The following KICS2 variants were observed in gnomAD, a reference collection of about 807,000 sequenced individuals.
The protein encoded by KICS2 is KICSTOR subunit 2.
Under a neutral mutation model 31.4 loss-of-function variants are expected in KICS2, and 13 were observed. The observed-to-expected ratio is 0.41, with a 90% CI of 0.27 to 0.66. The LOEUF (loss-of-function observed/expected upper bound fraction) is 0.66, where lower values mean the gene tolerates loss of function less well. KICS2 is among the 30% of genes least tolerant of loss of function. The probability of loss-of-function intolerance (pLI) is 0.28; values close to 1 mark genes in which losing one functional copy is unlikely to be tolerated. For missense variants in KICS2, 455 were observed against 545.4 expected, an observed-to-expected ratio of 0.83 and a Z score of 1.65; for synonymous variants, 209 against 214.8, an observed-to-expected ratio of 0.97 and a Z score of 0.24.
chr12:64,206,410 A>C (rs1402863044), intron 2 of KICS2, among the ~76,000 whole-genome samples: 1 of 152,204 alleles, frequency 6.6e-6, no homozygotes, highest in Non-Finnish European at 1.5e-5. Flanking sequence ...ACACCAATAC[A>C]TTGAAGATAT....
intron 2 of KICS2, 72 bp from the exon 3 acceptor site, chr12:64,194,730 C>T (rs1229912323): frequency 6.7e-7 from 1 of 1,484,900 alleles, no homozygotes; most frequent in Non-Finnish European, 8.9e-7. Flanking sequence ...TTTCTAACCA[C>T]AAAGCAACAA....
rs1244466331 is a variant in KICS2, at chr12:64,193,371, C to T, written c.*471G>A. The T allele has an allele frequency of 5.1e-6, 5 of 985,712 alleles. No individual in the cohort carries two copies. Among genetic ancestry groups the T allele is most frequent in the Non-Finnish European group, 6.0e-6 (5 of 830,240 alleles). 61.1% of individuals were successfully genotyped at this position (985,712 alleles called of 1,614,324 possible). On this transcript the variant is annotated 3_prime_UTR_variant, in exon 3 of 3. Coordinates refer to ENST00000398055, the MANE Select transcript of KICS2 (RefSeq NM_152440.5). ...GATCAGAATCATAAATCTACTAACT[C>T]CATATTCATTTGCTAATTTATGAGA...
At chr12:64,187,755 A>C (rs1490211819), downstream of KICS2, 2 of 913,340 alleles carry the variant, frequency 2.2e-6, no homozygotes, top group Admixed American at 3.0e-5. Flanking sequence ...AGGAGAAAAA[A>C]AATCTAGTTT....
intron 2 of KICS2, among the ~76,000 whole-genome samples, chr12:64,208,200 A>G (rs980682020): frequency 2.6e-5 from 4 of 152,044 alleles, no homozygotes; most frequent in Non-Finnish European, 5.9e-5. Context: ...GTAGAGATGG[A>G]GTTTCGCCAT....
Position 64,193,320 on chromosome 12 carries a change from T to A in KICS2, c.*522A>T, listed in dbSNP as rs1433076153. Reference sequence around the variant, plus strand: ...AGAAATTTCTTACCAAGACCCTAATTTTGGCATCAAAAATGTTAATTTGTA... The same window carrying A: ...AGAAATTTCTTACCAAGACCCTAATATTGGCATCAAAAATGTTAATTTGTA... On this transcript the variant is annotated 3_prime_UTR_variant, in exon 3 of 3. Coordinates refer to ENST00000398055, the MANE Select transcript of KICS2 (RefSeq NM_152440.5). 1 of 985,646 alleles carries A rather than the reference T, an allele frequency of 1.0e-6. No individual in the cohort carries two copies. The highest frequency in any genetic ancestry group is 1.7e-5 in the African/African-American group (1 of 57,218). The allele number at this position is 985,646 out of a possible 1,614,324, so 61.1% of individuals were successfully genotyped here.
At position 64,214,817 on chromosome 12, in the gene KICS2, G is replaced by C. The variant is rs117323730; in HGVS notation, c.521+861C>G. 7.9e-5 allele frequency among the ~76,000 whole-genome samples: 12 copies of C among 152,190 alleles called. No individual in the cohort carries two copies. In the East Asian group the frequency reaches 2.3e-3, roughly 29 times the overall value. On this transcript the variant is annotated intron_variant, in intron 2 of 2. Coordinates refer to ENST00000398055, the MANE Select transcript of KICS2 (RefSeq NM_152440.5). ...AATCACTTGAACCCAGGAGATTACAGGCACTTAGTGGATGCCCTCCTCCAC... is the reference window on the plus strand; with the variant it reads ...AATCACTTGAACCCAGGAGATTACACGCACTTAGTGGATGCCCTCCTCCAC...
chr12:64,216,924 CA>C (rs967008667), intron 1 of KICS2, among the ~76,000 whole-genome samples: 1 of 137,820 alleles, frequency 7.3e-6, no homozygotes, highest in Non-Finnish European at 1.5e-5. Flanking sequence ...AGGTTTAAAA[CA>C]GTGATTTCTA....
chr12:64,193,876 A>G lies in KICS2; in HGVS notation c.1304T>C (p.Val435Ala). The change falls in exon 3 of 3, where the codon GTG becomes GCG. Residue 435 changes from valine to alanine, a missense_variant. Coordinates refer to ENST00000398055, the MANE Select transcript of KICS2 (RefSeq NM_152440.5). Reference protein sequence around the residue: ...EVSLALKNPKVFASLKPGAKG With the variant: ...EVSLALKNPKAFASLKPGAKG The stretch of plus-strand genomic sequence containing the variant: ...GGCTCCAGGTTTCAGACTTGCAAAC[A>G]CTTTGGGGTTCTTAAGGGCAAGTGA... 6.2e-7 allele frequency: 1 copy of G among 1,614,134 alleles called. No individual in the cohort carries two copies. The highest frequency in any genetic ancestry group is 1.1e-5 in the South Asian group (1 of 91,066).
At chr12:64,187,314 C>G (rs1446990812), downstream of KICS2, 1 of 351,366 alleles carries the variant, frequency 2.8e-6, no homozygotes, top group Non-Finnish European at 5.1e-6. Flanking sequence ...CTGAGTGCTA[C>G]CATCACTTAG....
At position 64,193,176 on chromosome 12, in the gene KICS2, G is replaced by C. The variant is rs1029795763; in HGVS notation, c.*666C>G. On this transcript the variant is annotated 3_prime_UTR_variant, in exon 3 of 3. Coordinates refer to ENST00000398055, the MANE Select transcript of KICS2 (RefSeq NM_152440.5). ...AAAGAAGTCAAAACAAATGCAGTTAGGTGTGTACATTACCCCAAAAGAACC... is the reference window on the plus strand; with the variant it reads ...AAAGAAGTCAAAACAAATGCAGTTACGTGTGTACATTACCCCAAAAGAACC... 2 of 985,312 alleles carry C rather than the reference G, an allele frequency of 2.0e-6. No individual in the cohort carries two copies. Among genetic ancestry groups the C allele is most frequent in the Non-Finnish European group, 2.4e-6 (2 of 829,980 alleles). The allele number at this position is 985,312 out of a possible 1,614,324, so 61.0% of individuals were successfully genotyped here.
chr12:64,195,005 A>G lies in KICS2; in HGVS notation c.522-347T>C, dbSNP rs7962324. On this transcript the variant is annotated intron_variant, in intron 2 of 2. Transcript: ENST00000398055. ...GTCACCCAGGCTGGAGTGCAATTGT[A>G]CAATCATGGCTCACTGCAGCTCAGT... Among the ~76,000 whole-genome samples the G allele has an allele frequency of 8.0e-3, 1,207 of 151,088 alleles. 18 individuals are homozygous for G. Among genetic ancestry groups the G allele is most frequent in the African/African-American group, 0.027 (1,096 of 41,076 alleles).
At chr12:64,221,721 G>A in intron 1 of KICS2, 1 of 521,020 alleles carries the variant, frequency 1.9e-6, no homozygotes, top group Non-Finnish European at 3.4e-6. Flanking sequence ...CTCATTTATG[G>A]CATCAATCCA....
chr12:64,210,200 T>C (rs2037571098), intron 2 of KICS2, among the ~76,000 whole-genome samples: 1 of 152,220 alleles, frequency 6.6e-6, no homozygotes, highest in Non-Finnish European at 1.5e-5. Flanking sequence ...ATTTAGATCA[T>C]TTTCAGGCTA....
Position 64,194,113 on chromosome 12 carries a change from C to T in KICS2, c.1067G>A (p.Arg356Lys). The change falls in exon 3 of 3, where the codon AGG becomes AAG. Residue 356 changes from arginine (R) to lysine (K), a missense_variant. Transcript: ENST00000398055. ...GACATTGGGCCAGTGCATGACTGGC[C>T]TGTCGCTGGGCAGAGACACTACAGC... ...YPAVVSLPSD[R>K]PVMHWPNVIM... 1 of 1,614,172 alleles carries T rather than the reference C, an allele frequency of 6.2e-7. No homozygotes were observed. The highest frequency in any genetic ancestry group is 1.3e-5 in the African/African-American group (1 of 75,046).
chr12:64,194,666 G>T lies in KICS2; in HGVS notation c.522-8C>A. 1.9e-6 allele frequency: 3 copies of T among 1,597,566 alleles called. No individual in the cohort carries two copies. Among genetic ancestry groups the T allele is most frequent in the Non-Finnish European group, 2.6e-6 (3 of 1,170,008 alleles). ...AGGATTGGGTGGTGAAATCTAAAGG[G>T]GAGAGGGAAATAGAGATAAGTGGAA... is the stretch of plus-strand genomic sequence containing the variant. On this transcript the variant is annotated splice_polypyrimidine_tract_variant and splice_region_variant and intron_variant, in intron 2 of 2. Transcript: ENST00000398055.
chr12:64,205,775 G>GGGAA (rs141568124), intron 2 of KICS2, among the ~76,000 whole-genome samples: 31 of 39,588 alleles, frequency 7.8e-4, no homozygotes, highest in South Asian at 7.2e-3. Flanking sequence ...GAAGGAAAAA[G>GGGAA]GGAAGGAAGG....
chr12:64,217,477 A>G (rs902667125), intron 1 of KICS2, among the ~76,000 whole-genome samples: 31 of 152,108 alleles, frequency 2.0e-4, no homozygotes, highest in Middle Eastern at 3.4e-3. Context: ...AGGAAAAAAA[A>G]AAAAACGCAC....
At chr12:64,213,474 T>C (rs899282255) in intron 2 of KICS2, among the ~76,000 whole-genome samples, 1 of 152,164 alleles carries the variant, frequency 6.6e-6, no homozygotes, top group Non-Finnish European at 1.5e-5. Context: ...TCAAACCAGG[T>C]AACCAAGAAG....
intron 2 of KICS2, among the ~76,000 whole-genome samples, chr12:64,196,794 G>A (rs1465752534): frequency 1.3e-5 from 2 of 148,968 alleles, no homozygotes; most frequent in Non-Finnish European, 3.0e-5. Context: ...CGAGAACTAC[G>A]TGAAGAATGC....
Sources: allele counts gnomAD v4.1 joint callset (sites outside exome capture counted in the v4.1 genomes callset), GRCh38; gene constraint gnomAD v4.1.1; transcripts MANE v1.5; gene names NCBI Gene and HGNC (gene_info 2026-07-23, HGNC 2026-07-21).